ELP4: variants seen among roughly 807,000 people sequenced by gnomAD.
ELP4 encodes the protein elongator acetyltransferase complex subunit 4.
In ELP4, 51 loss-of-function variants were observed where a neutral mutation model predicts 48.9. The observed-to-expected ratio is 1.04, with a 90% CI of 0.83 to 1.32. The LOEUF is 1.32. ELP4 is among the 40% of genes most tolerant of loss of function. The pLI, the probability that ELP4 is intolerant of heterozygous loss-of-function variation, is 0.00. For missense variants in ELP4, 519 were observed against 514.6 expected, an observed-to-expected ratio of 1.01 and a Z score of -0.08; for synonymous variants, 210 against 189.2, an observed-to-expected ratio of 1.11 and a Z score of -0.90.
intron 9 of ELP4, among the ~76,000 whole-genome samples, chr11:31,675,781 T>C (rs1484585248): frequency 1.3e-5 from 2 of 152,102 alleles, no homozygotes; most frequent in East Asian, 1.9e-4. Context: ...CCTCTTCAAA[T>C]AGAAGAAAAC....
At chr11:31,579,349 A>T (rs1043395576) in intron 3 of ELP4, among the ~76,000 whole-genome samples, 1 of 152,234 alleles carries the variant, frequency 6.6e-6, no homozygotes, top group African/African-American at 2.4e-5. Context: ...ACTGTAAACT[A>T]GTTCAACCAT....
intron 5 of ELP4, among the ~76,000 whole-genome samples, chr11:31,611,978 A>C (rs2134014007): frequency 6.6e-6 from 1 of 152,300 alleles, no homozygotes. Context: ...CACTGGGCCA[A>C]GAAGTATTAT....
chr11:31,706,220 G>C (rs1319997117), intron 9 of ELP4, among the ~76,000 whole-genome samples: 3 of 152,110 alleles, frequency 2.0e-5, no homozygotes, highest in South Asian at 4.2e-4. Flanking sequence ...TAATTAGCAT[G>C]CCTATCATCT....
intron 9 of ELP4, among the ~76,000 whole-genome samples, chr11:31,725,170 CG>C (rs1428415711): frequency 1.3e-5 from 2 of 152,198 alleles, no homozygotes; most frequent in Non-Finnish European, 2.9e-5. Flanking sequence ...GGCCTTTTCA[CG>C]GGCTAGATGT....
At chr11:31,734,034 TATCCCTGGGATGCAAGG>T (rs1195503807) in intron 9 of ELP4, among the ~76,000 whole-genome samples, 2 of 152,218 alleles carry the variant, frequency 1.3e-5, no homozygotes, top group African/African-American at 4.8e-5. Flanking sequence ...AAATGGAATT[TATCCCTGGGATGCAAGG>T]ATGGCTCAAC....
At chr11:31,697,612 AT>A (rs1209213554) in intron 9 of ELP4, among the ~76,000 whole-genome samples, 2 of 152,082 alleles carry the variant, frequency 1.3e-5, no homozygotes, top group Middle Eastern at 3.2e-3. Context: ...TCAGGACTTT[AT>A]TTCTTGATTT....
chr11:31,696,490 C>CTTAATCCT (rs1206193246), intron 9 of ELP4, among the ~76,000 whole-genome samples: 1 of 152,120 alleles, frequency 6.6e-6, no homozygotes, highest in African/African-American at 2.4e-5. Flanking sequence ...GAGAGAGTTT[C>CTTAATCCT]TTAATCCTGA....
At chr11:31,668,375 C>T (rs16922379) in intron 9 of ELP4, among the ~76,000 whole-genome samples, 96,581 of 152,026 alleles carry the variant, frequency 0.64, 33,136 homozygotes, top group Non-Finnish European at 0.76. Context: ...TACTTTTTTA[C>T]ACTGCTCCTG....
At chr11:31,557,543 A>G (rs1398740977) in intron 3 of ELP4, among the ~76,000 whole-genome samples, 1 of 152,034 alleles carries the variant, frequency 6.6e-6, no homozygotes, top group Non-Finnish European at 1.5e-5. Flanking sequence ...GTGAGTAGTC[A>G]GTTGTTTGCT....
At chr11:31,763,406 G>C (rs1947986333) in intron 9 of ELP4, 1 of 1,586,458 alleles carries the variant, frequency 6.3e-7, no homozygotes. Context: ...TTTTCTCTGA[G>C]GCAGTGGGTG....
At chr11:31,702,274 G>T (rs1223221377) in intron 9 of ELP4, among the ~76,000 whole-genome samples, 4 of 151,836 alleles carry the variant, frequency 2.6e-5, no homozygotes, top group Non-Finnish European at 5.9e-5. Context: ...CTGCACTCCA[G>T]TCTGGGCAAC....
intron 9 of ELP4, among the ~76,000 whole-genome samples, chr11:31,761,455 G>A (rs1947943182): frequency 6.6e-6 from 1 of 152,046 alleles, no homozygotes; most frequent in Admixed American, 6.6e-5. Context: ...AATGGAAGGA[G>A]TCAATATACT....
intron 5 of ELP4, among the ~76,000 whole-genome samples, chr11:31,607,230 A>G (rs1957892427): frequency 6.6e-6 from 1 of 152,138 alleles, no homozygotes; most frequent in Non-Finnish European, 1.5e-5. Flanking sequence ...AAGCCCCCCA[A>G]TCTATGGTAT....
At position 31,566,059 on chromosome 11, in the gene ELP4, C is replaced by T. The variant is rs556784777; in HGVS notation, c.381+26276C>T. Among the ~76,000 whole-genome samples, 22 of 152,060 alleles carry T rather than the reference C, an allele frequency of 1.4e-4. No homozygotes were observed. In the South Asian group the frequency reaches 2.7e-3, roughly 19 times the overall value. On this transcript the variant is annotated intron_variant, in intron 3 of 9. Transcript: ENST00000640961. ...TAAGATTCATTTTCTAGGCCAGGCA[C>T]GGTGGCTCATGCTTACAACTTGCTT...
chr11:31,522,523 C>T (rs913364874), intron 2 of ELP4, among the ~76,000 whole-genome samples: 3 of 152,058 alleles, frequency 2.0e-5, no homozygotes, highest in African/African-American at 4.8e-5. Flanking sequence ...TATAGATGTG[C>T]CATAATTTAT....
intron 9 of ELP4, among the ~76,000 whole-genome samples, chr11:31,672,142 C>T (rs896833261): frequency 4.6e-5 from 7 of 152,144 alleles, no homozygotes; most frequent in African/African-American, 7.2e-5. Context: ...TGGATACCCC[C>T]TGTAAAGACA....
intron 3 of ELP4, among the ~76,000 whole-genome samples, chr11:31,567,203 G>A (rs1316498945): frequency 6.6e-6 from 1 of 151,942 alleles, no homozygotes; most frequent in Non-Finnish European, 1.5e-5. Context: ...AAAGTGCTGG[G>A]ATTACAGGCG....
intron 9 of ELP4, among the ~76,000 whole-genome samples, chr11:31,768,767 T>A (rs1948086630): frequency 6.6e-6 from 1 of 152,182 alleles, no homozygotes; most frequent in South Asian, 2.1e-4. Context: ...CCCTCAAGCT[T>A]TACAAATGTG....
At chr11:31,684,472 G>T (rs138547697) in intron 9 of ELP4, among the ~76,000 whole-genome samples, 2,584 of 152,234 alleles carry the variant, frequency 0.017, 70 homozygotes, top group African/African-American at 0.059. Flanking sequence ...CTCCCAAAGT[G>T]CTGGGATTAA....
Sources: allele counts gnomAD v4.1 joint callset (sites outside exome capture counted in the v4.1 genomes callset), GRCh38; gene constraint gnomAD v4.1.1; transcripts MANE v1.5; gene names NCBI Gene and HGNC (gene_info 2026-07-23, HGNC 2026-07-21).